The following PPFIBP1 variants were observed in gnomAD, a reference collection of about 807,000 sequenced individuals.
The protein encoded by PPFIBP1 is PPFIB scaffold protein 1.
PPFIBP1 carries 112 observed loss-of-function variants against 137.8 expected under a neutral mutation model. The ratio of observed to expected loss-of-function variants is 0.81; its 90% CI spans 0.70 to 0.95. The LOEUF is 0.95. PPFIBP1 is among the 40% of genes least tolerant of loss of function. The probability of loss-of-function intolerance (pLI) is 0.00; values close to 1 mark genes in which losing one functional copy is unlikely to be tolerated. For synonymous variants in PPFIBP1, 378 were observed against 417.3 expected (o/e 0.91, Z 1.15); for missense variants, 1,083 against 1,196.6 (o/e 0.91, Z 1.40).
chr12:27,676,085 A>G (rs529010173), intron 17 of PPFIBP1, among the ~76,000 whole-genome samples: 11 of 152,344 alleles, frequency 7.2e-5, no homozygotes, highest in African/African-American at 2.4e-4. Context: ...ATCTGCTGCT[A>G]TTATTCTGGT....
chr12:27,623,142 T>C (rs1411784325), intron 2 of PPFIBP1, among the ~76,000 whole-genome samples: 2 of 151,952 alleles, frequency 1.3e-5, no homozygotes, highest in Non-Finnish European at 1.5e-5. Context: ...GATAGATGAG[T>C]CTCCAGGTTT....
intron 3 of PPFIBP1, among the ~76,000 whole-genome samples, chr12:27,634,586 A>G (rs577750766): frequency 1.9e-4 from 29 of 152,134 alleles, no homozygotes; most frequent in Non-Finnish European, 3.8e-4. Flanking sequence ...TAATATTTGT[A>G]TTTTCTGATC....
intron 4 of PPFIBP1, among the ~76,000 whole-genome samples, chr12:27,642,078 G>A (rs568670569): frequency 5.6e-4 from 86 of 152,306 alleles, no homozygotes; most frequent in African/African-American, 1.9e-3. Flanking sequence ...TTCGTTTTCC[G>A]GGTGAGGTTC....
chr12:27,569,761 A>G (rs1050116364), intron 1 of PPFIBP1, among the ~76,000 whole-genome samples: 7 of 152,092 alleles, frequency 4.6e-5, no homozygotes, highest in Non-Finnish European at 1.0e-4. Flanking sequence ...GGGTTTCACC[A>G]TATTGGACAG....
rs143196343 is a variant in PPFIBP1 at position 27,652,599 on chromosome 12, A to G, written c.604-2123A>G. ...ATTTCAGGTTGGAAATTTAGACCAT[A>G]TTTAAAGTATTGCCATGAAATATAG... On this transcript the variant is annotated intron_variant, in intron 7 of 29. Coordinates refer to ENST00000228425, the MANE Select transcript of PPFIBP1 (RefSeq NM_003622.4). Among the ~76,000 whole-genome samples, 3 of 152,336 alleles carry G rather than the reference A, an allele frequency of 2.0e-5. No individual in the cohort carries two copies. In the East Asian group the frequency reaches 5.8e-4, roughly 29 times the overall value.
chr12:27,587,003 G>A (rs556401390), intron 2 of PPFIBP1, among the ~76,000 whole-genome samples: 3 of 152,178 alleles, frequency 2.0e-5, no homozygotes, highest in East Asian at 1.9e-4. Context: ...CTCCGCATTC[G>A]GCAAAAATTA....
intron 2 of PPFIBP1, among the ~76,000 whole-genome samples, chr12:27,631,235 T>A (rs1417001250): frequency 1.3e-5 from 2 of 152,218 alleles, no homozygotes; most frequent in African/African-American, 4.8e-5. Context: ...CATATCCTCA[T>A]GCCTCCTATT....
rs1360070206 is a variant in PPFIBP1 at position 27,673,830 on chromosome 12, G to A, written c.1380+3G>A. 4 of 1,612,428 alleles carry A rather than the reference G, an allele frequency of 2.5e-6. No individual in the cohort carries two copies. In the East Asian group the frequency reaches 8.9e-5, roughly 36 times the overall value. ...TGAAGAAAGAGACATCTGATGGGGT[G>A]GGTTCTGTGTTTTTTGTTTTTTTTT... is the stretch of plus-strand genomic sequence containing the variant. On this transcript the variant is annotated splice_donor_region_variant and intron_variant, in intron 16 of 29. Coordinates refer to ENST00000228425, the MANE Select transcript of PPFIBP1 (RefSeq NM_003622.4).
chr12:27,584,745 T>C (rs1223758459), intron 2 of PPFIBP1, among the ~76,000 whole-genome samples: 1 of 152,226 alleles, frequency 6.6e-6, no homozygotes, highest in Non-Finnish European at 1.5e-5. Flanking sequence ...GAAATTATCA[T>C]TTGTTGTTGA....
Position 27,647,815 on chromosome 12 carries a change from G to C in PPFIBP1, c.444G>C (p.Val148=). Residue 148 remains valine (V), a synonymous_variant, in exon 6 of 30, where the codon GTG becomes GTC. Coordinates refer to ENST00000228425, the MANE Select transcript of PPFIBP1 (RefSeq NM_003622.4). ...GTCTTGAAGAGCACAGAGAGAAGGT[G>C]AATGCCACAGAAGAAATGCTGCAGC... ...EFCLEEHREK[V]NATEEMLQQE... is the part of the protein sequence containing the mutation. 1 of 1,612,356 alleles carries C rather than the reference G, an allele frequency of 6.2e-7. No individual in the cohort carries two copies. The highest frequency in any genetic ancestry group is 1.3e-5 in the African/African-American group (1 of 74,922).
intron 1 of PPFIBP1, among the ~76,000 whole-genome samples, chr12:27,562,863 C>T (rs2049276029): frequency 1.3e-5 from 2 of 152,122 alleles, no homozygotes; most frequent in Non-Finnish European, 2.9e-5. Context: ...CATATAAAAG[C>T]AGTGCCAGTT....
At chr12:27,595,323 C>G (rs2053079914) in intron 2 of PPFIBP1, among the ~76,000 whole-genome samples, 2 of 152,234 alleles carry the variant, frequency 1.3e-5, no homozygotes, top group Non-Finnish European at 2.9e-5. Flanking sequence ...ACACCCTGCT[C>G]TGGTGGCTGC....
chr12:27,687,642 T>C, intron 25 of PPFIBP1, 135 bp downstream of exon 25: 1 of 1,014,068 alleles, frequency 9.9e-7, no homozygotes, highest in South Asian at 1.9e-5. Flanking sequence ...CTTCTTAGGC[T>C]TTTTCTGTAT....
intron 2 of PPFIBP1, chr12:27,592,547 G>A (rs1047090355): frequency 1.7e-4 from 220 of 1,290,006 alleles, no homozygotes; most frequent in Middle Eastern, 9.3e-4. Flanking sequence ...GGCTGACGGG[G>A]ACTCTTGGTG....
intron 1 of PPFIBP1, among the ~76,000 whole-genome samples, chr12:27,529,625 C>T (rs531470106): frequency 1.3e-5 from 2 of 152,286 alleles, no homozygotes; most frequent in South Asian, 2.1e-4. Flanking sequence ...AGCCGGGAGG[C>T]GGAGGTTACA....
At chr12:27,530,189 T>C (rs138401988) in intron 1 of PPFIBP1, among the ~76,000 whole-genome samples, 2 of 152,386 alleles carry the variant, frequency 1.3e-5, no homozygotes, top group East Asian at 3.8e-4. Context: ...CAACACAGTA[T>C]AGAATTTTCT....
intron 2 of PPFIBP1, among the ~76,000 whole-genome samples, chr12:27,625,229 G>A (rs1471826638): frequency 3.9e-5 from 6 of 152,104 alleles, no homozygotes; most frequent in East Asian, 1.9e-4. Context: ...CAGCCTGGGC[G>A]ATAAAATGAG....
At chr12:27,648,189 A>AGACATTTAAAAATGGGTAAAATAGACAT in intron 6 of PPFIBP1, among the ~76,000 whole-genome samples, 1 of 152,208 alleles carries the variant, frequency 6.6e-6, no homozygotes, top group South Asian at 2.1e-4. Context: ...TGGGTAAAAT[A>AGACATTTAAAAATGGGTAAAATAGACAT]TTTGAATAGA....
At chr12:27,594,535 A>G (rs2052962547) in intron 2 of PPFIBP1, among the ~76,000 whole-genome samples, 1 of 152,104 alleles carries the variant, frequency 6.6e-6, no homozygotes, top group Non-Finnish European at 1.5e-5. Context: ...TCCTATTTTT[A>G]TAATCTCCCA....
Sources: gnomAD v4.1 joint callset for allele counts (sites outside exome capture counted in the v4.1 genomes callset) on GRCh38, gnomAD v4.1.1 for gene constraint, MANE v1.5 for transcripts, NCBI Gene and HGNC (gene_info 2026-07-23, HGNC 2026-07-21) for gene names.